The following RNGTT variants were observed in gnomAD, a reference collection of about 807,000 sequenced individuals.
RNGTT encodes RNA guanylyltransferase and 5'-phosphatase, also known as mRNA-capping enzyme.
Under a neutral mutation model 79.3 loss-of-function variants are expected in RNGTT, and 33 were observed. The observed-to-expected ratio is 0.42, with a 90% CI of 0.32 to 0.56. RNGTT has a LOEUF of 0.56. Among genes scored for constraint, RNGTT ranks in the 20% least tolerant of loss-of-function variants. RNGTT has a pLI of 0.17. For synonymous variants in RNGTT, 222 were observed against 235.9 expected, an observed-to-expected ratio of 0.94 and a Z score of 0.54; for missense variants, 497 against 739.1, an observed-to-expected ratio of 0.67 and a Z score of 3.80.
intron 14 of RNGTT, among the ~76,000 whole-genome samples, chr6:88,658,659 G>T (rs910193484): frequency 6.6e-6 from 1 of 152,192 alleles, no homozygotes; most frequent in African/African-American, 2.4e-5. Context: ...TGAGTCTGTG[G>T]ACTGGGAAAG....
At chr6:88,899,262 G>A (rs1419168187) in intron 6 of RNGTT, among the ~76,000 whole-genome samples, 2 of 150,502 alleles carry the variant, frequency 1.3e-5, no homozygotes, top group Non-Finnish European at 3.0e-5. Flanking sequence ...GAGAAAGAAG[G>A]TTTCGGCTTT....
At chr6:88,826,229 C>G (rs1230343321) in intron 11 of RNGTT, among the ~76,000 whole-genome samples, 1 of 152,106 alleles carries the variant, frequency 6.6e-6, no homozygotes, top group Admixed American at 6.6e-5. Flanking sequence ...AAATCTGGTT[C>G]CATATAAACA....
intron 13 of RNGTT, among the ~76,000 whole-genome samples, chr6:88,749,081 A>G (rs779342953): frequency 6.6e-6 from 1 of 152,196 alleles, no homozygotes; most frequent in Non-Finnish European, 1.5e-5. Flanking sequence ...TGAAGAAAAA[A>G]TAACTGTTTA....
At chr6:88,876,325 T>C (rs545798655) in intron 8 of RNGTT, among the ~76,000 whole-genome samples, 70 of 152,306 alleles carry the variant, frequency 4.6e-4, no homozygotes, top group African/African-American at 1.4e-3. Flanking sequence ...GCCCAGGAGT[T>C]TGAGACCAGC....
At chr6:88,773,568 A>G (rs1335004532) in intron 12 of RNGTT, among the ~76,000 whole-genome samples, 1 of 152,030 alleles carries the variant, frequency 6.6e-6, no homozygotes, top group African/African-American at 2.4e-5. Flanking sequence ...AAAACTTACT[A>G]CAAAGCTACA....
chr6:88,766,017 T>C (rs551424420), intron 13 of RNGTT, among the ~76,000 whole-genome samples: 29 of 152,194 alleles, frequency 1.9e-4, no homozygotes, highest in Admixed American at 3.3e-4. Flanking sequence ...GAAGGGAAGA[T>C]GCACTTTTAA....
chr6:88,641,695 A>T (rs1347425989), intron 14 of RNGTT, among the ~76,000 whole-genome samples: 1 of 152,262 alleles, frequency 6.6e-6, no homozygotes, highest in Non-Finnish European at 1.5e-5. Flanking sequence ...TGTGAGTGAC[A>T]GTAACAAAGA....
chr6:88,709,422 C>T (rs1420114852), intron 13 of RNGTT, among the ~76,000 whole-genome samples: 1 of 152,084 alleles, frequency 6.6e-6, no homozygotes, highest in African/African-American at 2.4e-5. Flanking sequence ...AAAACAGGTA[C>T]AACATCTGAA....
At chr6:88,955,844 C>A (rs1039743477) in intron 1 of RNGTT, among the ~76,000 whole-genome samples, 4 of 151,798 alleles carry the variant, frequency 2.6e-5, no homozygotes, top group Admixed American at 2.0e-4. Context: ...GGAGTTTGAG[C>A]CTGACCAACA....
chr6:88,929,914 A>ACACACG (rs1422810295), intron 2 of RNGTT, among the ~76,000 whole-genome samples: 2 of 145,366 alleles, frequency 1.4e-5, no homozygotes, highest in African/African-American at 2.8e-5. Flanking sequence ...ATATGCATAT[A>ACACACG]TACACGTATA....
At chr6:88,673,915 C>G (rs953714658) in intron 14 of RNGTT, among the ~76,000 whole-genome samples, 6 of 152,180 alleles carry the variant, frequency 3.9e-5, no homozygotes, top group African/African-American at 1.4e-4. Flanking sequence ...TTTTCCAAAT[C>G]ATTGGACAGA....
At chr6:88,633,937 G>C (rs905025688) in intron 14 of RNGTT, among the ~76,000 whole-genome samples, 5 of 152,044 alleles carry the variant, frequency 3.3e-5, no homozygotes, top group African/African-American at 9.7e-5. Flanking sequence ...TATGTCAGAT[G>C]GGAAACAAAC....
chr6:88,635,742 T>A (rs746808969), intron 14 of RNGTT, among the ~76,000 whole-genome samples: 2 of 152,078 alleles, frequency 1.3e-5, no homozygotes, highest in Non-Finnish European at 2.9e-5. Context: ...GAAGCCAGTT[T>A]GGTTGTAGTC....
intron 14 of RNGTT, among the ~76,000 whole-genome samples, chr6:88,649,285 G>A (rs1446046184): frequency 6.6e-6 from 1 of 152,166 alleles, no homozygotes; most frequent in Non-Finnish European, 1.5e-5. Context: ...ACAGAAGTGG[G>A]TGTTAGGTAA....
At chr6:88,954,238 G>T (rs1419142425) in intron 1 of RNGTT, among the ~76,000 whole-genome samples, 1 of 152,092 alleles carries the variant, frequency 6.6e-6, no homozygotes, top group Admixed American at 6.6e-5. Flanking sequence ...GCCTTCAAGA[G>T]ACTCACCTAA....
chr6:88,710,150 C>T (rs1776269790), intron 13 of RNGTT, among the ~76,000 whole-genome samples: 1 of 152,208 alleles, frequency 6.6e-6, no homozygotes, highest in South Asian at 2.1e-4. Context: ...GTCCCAGCTA[C>T]TCCGGAAGCT....
In RNGTT at chr6:88,922,391, T is replaced by C. The variant is rs9451103; in HGVS notation, c.367+6594A>G. On this transcript the variant is annotated intron_variant, in intron 4 of 15. Coordinates refer to ENST00000369485, the MANE Select transcript of RNGTT (RefSeq NM_003800.5). ...CACAGACATGTCATGTCACTAAAAA[T>C]GTTTCAATACACATCTCTAATAAGG... Among the ~76,000 whole-genome samples the C allele has an allele frequency of 1.8e-3, 279 of 152,258 alleles. 2 individuals are homozygous for C. The highest frequency in any genetic ancestry group is 6.6e-3 in the African/African-American group (273 of 41,532).
chr6:88,902,582 A>G (rs1473715824), intron 6 of RNGTT, among the ~76,000 whole-genome samples: 8 of 152,134 alleles, frequency 5.3e-5, no homozygotes, highest in Non-Finnish European at 1.2e-4. Flanking sequence ...AGCTTGACTG[A>G]CAGAGTAAGA....
intron 4 of RNGTT, among the ~76,000 whole-genome samples, chr6:88,918,241 C>T (rs553912133): frequency 2.2e-4 from 33 of 151,946 alleles, no homozygotes; most frequent in African/African-American, 7.2e-4. Flanking sequence ...GAAGATTGCT[C>T]GAGACCAGGA....
Sources: gnomAD v4.1 joint callset for allele counts (sites outside exome capture counted in the v4.1 genomes callset) on GRCh38, gnomAD v4.1.1 for gene constraint, MANE v1.5 for transcripts, NCBI Gene and HGNC (gene_info 2026-07-23, HGNC 2026-07-21) for gene names.